HSPA12A: variants seen among roughly 807,000 people sequenced by gnomAD.
The protein encoded by HSPA12A is heat shock 70 kDa protein 12A.
A neutral mutation model predicts 69.2 loss-of-function variants in HSPA12A; 28 were observed. The observed-to-expected ratio is 0.40, with a 90% CI of 0.30 to 0.55. The LOEUF (loss-of-function observed/expected upper bound fraction) is 0.55, where lower values mean the gene tolerates loss of function less well. HSPA12A is among the 20% of genes least tolerant of loss of function. HSPA12A has a pLI of 0.38. For missense variants in HSPA12A, 686 were observed against 900.7 expected (o/e 0.76, Z 3.05); for synonymous variants, 345 against 370.5 (o/e 0.93, Z 0.79).
intron 2 of HSPA12A, among the ~76,000 whole-genome samples, chr10:116,827,919 T>C (rs372145299): frequency 5.1e-4 from 77 of 152,284 alleles, no homozygotes; most frequent in African/African-American, 1.8e-3. Flanking sequence ...CTGCTGCATA[T>C]AGATATGACC....
At chr10:116,780,522 TTTGA>T (rs1554891698) in intron 2 of HSPA12A, among the ~76,000 whole-genome samples, 4 of 98,060 alleles carry the variant, frequency 4.1e-5, no homozygotes, top group African/African-American at 1.4e-4. Context: ...CAGCTAATTT[TTTGA>T]TTTATTTTAT....
chr10:116,848,305 G>A (rs150553436), intron 1 of HSPA12A, among the ~76,000 whole-genome samples: 4 of 152,358 alleles, frequency 2.6e-5, no homozygotes, highest in Middle Eastern at 3.4e-3. Flanking sequence ...GAGAGAACAC[G>A]GAGGAAGTTT....
At chr10:116,715,185 C>T (rs1400153781) in intron 1 of HSPA12A, among the ~76,000 whole-genome samples, 2 of 152,192 alleles carry the variant, frequency 1.3e-5, no homozygotes, top group Non-Finnish European at 2.9e-5. Context: ...GTCTCACCCC[C>T]AGAGTTTCTC....
intron 2 of HSPA12A, among the ~76,000 whole-genome samples, chr10:116,812,889 C>T (rs901325909): frequency 2.6e-5 from 4 of 152,138 alleles, no homozygotes; most frequent in Admixed American, 6.6e-5. Flanking sequence ...GCTGGGATTC[C>T]TCTAAAAAGG....
intron 2 of HSPA12A, among the ~76,000 whole-genome samples, chr10:116,760,822 C>T (rs534823973): frequency 5.1e-4 from 78 of 152,280 alleles, no homozygotes; most frequent in African/African-American, 1.8e-3. Context: ...CTTATTTATT[C>T]ACATAACAAA....
intron 1 of HSPA12A, among the ~76,000 whole-genome samples, chr10:116,719,194 A>C (rs1850699764): frequency 6.6e-6 from 1 of 152,174 alleles, no homozygotes; most frequent in Non-Finnish European, 1.5e-5. Flanking sequence ...AATCTAAGCC[A>C]GTCATGGCAA....
At chr10:116,849,731 G>A in exon 1 of HSPA12A, 2 of 1,517,172 alleles carry the variant, frequency 1.3e-6, no homozygotes, top group Admixed American at 2.1e-5. Context: ...ACGGGCACCT[G>A]GTAGGGACCT....
intron 2 of HSPA12A, among the ~76,000 whole-genome samples, chr10:116,801,996 T>A (rs183404919): frequency 4.6e-4 from 70 of 152,154 alleles, no homozygotes; most frequent in African/African-American, 1.7e-3. Context: ...TTTAAAAAAA[T>A]GTGTGGGCTG....
chr10:116,688,082 C>A (rs1171049064), intron 6 of HSPA12A, among the ~76,000 whole-genome samples: 1 of 152,092 alleles, frequency 6.6e-6, no homozygotes, highest in African/African-American at 2.4e-5. Context: ...ATGTGGCCCA[C>A]GGAAGCCAAA....
chr10:116,703,551 AC>A (rs1554881868), intron 3 of HSPA12A, among the ~76,000 whole-genome samples: 5 of 149,956 alleles, frequency 3.3e-5, no homozygotes, highest in African/African-American at 1.3e-4. Context: ...AAAAAAAATA[AC>A]AACAACAACA....
intron 2 of HSPA12A, among the ~76,000 whole-genome samples, chr10:116,798,799 C>T (rs1468455340): frequency 2.0e-5 from 3 of 152,128 alleles, no homozygotes; most frequent in Non-Finnish European, 2.9e-5. Flanking sequence ...CCAAATTGGC[C>T]CACCTCTTTG....
At chr10:116,744,214 C>T (rs1851597198), upstream of HSPA12A, among the ~76,000 whole-genome samples, 2 of 152,206 alleles carry the variant, frequency 1.3e-5, no homozygotes, top group South Asian at 2.1e-4. Context: ...ATTTCAAAGA[C>T]ATGAAAATGT....
Position 116,698,641 on chromosome 10 carries a change from C to T in HSPA12A, c.540G>A (p.Ala180=), listed in dbSNP as rs545779576. ...CCTCAACTATCAGTCCTACCTTCAGCGCCTGCTCCTTAAAGTACTGCAGGG... is the reference window on the plus strand; with the variant it reads ...CCTCAACTATCAGTCCTACCTTCAGTGCCTGCTCCTTAAAGTACTGCAGGG... ...AYALQYFKEQ[A]LKELSDQAGS... The change falls in exon 5 of 12, where the codon GCG becomes GCA. Residue 180 remains alanine (A), a synonymous_variant. Coordinates refer to ENST00000369209, the MANE Select transcript of HSPA12A (RefSeq NM_025015.3). 4.1e-5 allele frequency: 66 copies of T among 1,612,058 alleles called. No individual in the cohort carries two copies. In the Middle Eastern group the frequency reaches 3.0e-3, roughly 74 times the overall value.
intron 2 of HSPA12A, chr10:116,831,299 C>T (rs925952471): frequency 6.6e-6 from 1 of 152,186 alleles, no homozygotes; most frequent in African/African-American, 2.4e-5. Flanking sequence ...TCAGGAGAAG[C>T]TTTGTGGAGG....
rs1311784855 is a variant in HSPA12A, at chr10:116,692,363, T to G, written c.651A>C (p.Gln217His). ...ACTCTACCCTCACCTGGTAGGCAGCTTGTCTCATGAACTGCTTGGCCGGCT... is the reference window on the plus strand; with the variant it reads ...ACTCTACCCTCACCTGGTAGGCAGCGTGTCTCATGAACTGCTTGGCCGGCT... Reference protein sequence around the residue: ...WKQPAKQFMRQAAYQAGLASP... With the variant: ...WKQPAKQFMRHAAYQAGLASP... The change falls in exon 6 of 12, where the codon CAA (glutamine) becomes CAC (histidine). Residue 217 changes from glutamine (Q) to histidine (H), a missense_variant. Coordinates refer to ENST00000369209, the MANE Select transcript of HSPA12A (RefSeq NM_025015.3). 3 of 1,613,710 alleles carry G rather than the reference T, an allele frequency of 1.9e-6. No individual in the cohort carries two copies. The highest frequency in any genetic ancestry group is 2.5e-6 in the Non-Finnish European group (3 of 1,179,774).
chr10:116,731,029 T>C (rs890592675), intron 1 of HSPA12A, among the ~76,000 whole-genome samples: 7 of 152,204 alleles, frequency 4.6e-5, no homozygotes, highest in Admixed American at 1.3e-4. Context: ...CCCGTTCCCA[T>C]GGTCTGTCCC....
intron 5 of HSPA12A, 129 bp from the exon 6 acceptor site, chr10:116,692,596 C>T (rs557976636): frequency 1.5e-6 from 1 of 688,920 alleles, no homozygotes; most frequent in Non-Finnish European, 2.6e-6. Context: ...GTCCCCCAAA[C>T]TTACCAGCAT....
chr10:116,837,203 G>C (rs1174677298), intron 1 of HSPA12A, among the ~76,000 whole-genome samples: 1 of 152,160 alleles, frequency 6.6e-6, no homozygotes, highest in Non-Finnish European at 1.5e-5. Context: ...TCACAGACAT[G>C]AACCTGCCTA....
intron 1 of HSPA12A, among the ~76,000 whole-genome samples, chr10:116,738,246 A>T (rs937069969): frequency 1.3e-5 from 2 of 152,096 alleles, no homozygotes; most frequent in African/African-American, 4.8e-5. Flanking sequence ...GAGCATCCAC[A>T]TTTCCAGGAG....
Sources: allele counts gnomAD v4.1 joint callset (sites outside exome capture counted in the v4.1 genomes callset), GRCh38; gene constraint gnomAD v4.1.1; transcripts MANE v1.5; gene names NCBI Gene and HGNC (gene_info 2026-07-23, HGNC 2026-07-21).